The following MED13 variants were observed in gnomAD, a reference collection of about 807,000 sequenced individuals.
MED13 encodes the protein mediator of RNA polymerase II transcription subunit 13.
MED13 carries 23 observed loss-of-function variants against 225.2 expected under a neutral mutation model. That is an observed-to-expected ratio of 0.10 (90% CI 0.07 to 0.14). The LOEUF (loss-of-function observed/expected upper bound fraction) is 0.14. Ranked by LOEUF, MED13 falls within the 10% of genes least tolerant of loss-of-function variation. The probability of loss-of-function intolerance (pLI) is 1.00; values close to 1 mark genes in which losing one functional copy is unlikely to be tolerated. For missense variants in MED13, 2,197 were observed against 2,594.5 expected (o/e 0.85, Z 3.33); for synonymous variants, 942 against 889.2 (o/e 1.06, Z -1.06).
Position 61,953,057 on chromosome 17 carries a change from G to C in MED13, c.6025C>G (p.Pro2009Ala). The C allele has an allele frequency of 6.2e-7, 1 of 1,613,684 alleles. No homozygotes were observed. The highest frequency in any genetic ancestry group is 8.5e-7 in the Non-Finnish European group (1 of 1,179,680). The change falls in exon 27 of 30, where the codon CCT (proline) becomes GCT (alanine). Residue 2009 changes from proline (P) to alanine (A), a missense_variant. Physicochemically the swap from Pro to Ala is conservative, Grantham distance 27. Around this residue, in one of 12 missense-constraint regions of MED13, gnomAD observed 216 missense variants for 388.9 expected, o/e 0.56. Transcript: ENST00000397786. ...DLLDTGDDLD[P>A]DIINILPASP... ...GCAGGAAGGATATTAATGATATCAG[G>C]GTCAAGATCATCTCCTGTGTCTAAC...
chr17:62,010,430 ATACTCAATGAATTTATTCTTGT>A, intron 9 of MED13, 98 bp downstream of exon 9: 1 of 587,524 alleles, frequency 1.7e-6, no homozygotes. Flanking sequence ...TGCAAAGTTA[ATACTCAATGAATTTATTCTTGT>A]AAATCCTACC....
At chr17:61,991,874 G>A (rs1163931308) in intron 11 of MED13, among the ~76,000 whole-genome samples, 1 of 152,072 alleles carries the variant, frequency 6.6e-6, no homozygotes, top group African/African-American at 2.4e-5. Context: ...TTGAACTCCT[G>A]ACCTCAAGTG....
At chr17:62,007,976 G>A (rs956341085) in intron 9 of MED13, among the ~76,000 whole-genome samples, 3 of 137,680 alleles carry the variant, frequency 2.2e-5, no homozygotes, top group Non-Finnish European at 3.0e-5. Flanking sequence ...CCGAGATCAC[G>A]CCACTGCACT....
intron 16 of MED13, among the ~76,000 whole-genome samples, chr17:61,979,097 T>C (rs1435471622): frequency 6.6e-6 from 1 of 152,202 alleles, no homozygotes; most frequent in Non-Finnish European, 1.5e-5. Context: ...TACATTTAGT[T>C]GTGCTTGTTT....
At chr17:62,009,040 A>T (rs183815276) in intron 9 of MED13, among the ~76,000 whole-genome samples, 100 of 152,312 alleles carry the variant, frequency 6.6e-4, no homozygotes, top group Non-Finnish European at 1.3e-3. Flanking sequence ...AATTCACTAA[A>T]AAAAAGGTAA....
At chr17:62,027,835 T>A (rs1341856388) in intron 8 of MED13, among the ~76,000 whole-genome samples, 5 of 152,298 alleles carry the variant, frequency 3.3e-5, no homozygotes, top group Admixed American at 3.3e-4. Context: ...CACTGATCAT[T>A]AGAGAAATGC....
Position 62,010,699 on chromosome 17 carries a change from C to G in MED13, c.1818G>C (p.Leu606Phe), listed in dbSNP as rs1261333891. Residue 606 changes from leucine to phenylalanine, a missense_variant, in exon 9 of 30, where the codon TTG becomes TTC. By Grantham distance (22) the Leu-to-Phe change is conservative. Coordinates refer to ENST00000397786, the MANE Select transcript of MED13 (RefSeq NM_005121.3). ...AGGCTATATTGGCTTCATCTTCTTC[C>G]AAGTTTACTGCTGTACCAACATATA... ...PTVYVGTAVN[L>F]EEDEANIAWK... 3.3e-5 allele frequency: 51 copies of G among 1,560,050 alleles called. No homozygotes were observed. Among genetic ancestry groups the G allele is most frequent in the Non-Finnish European group, 4.4e-5 (51 of 1,151,784 alleles).
intron 8 of MED13, among the ~76,000 whole-genome samples, chr17:62,028,592 C>T (rs947912047): frequency 6.6e-6 from 1 of 151,698 alleles, no homozygotes; most frequent in African/African-American, 2.4e-5. Context: ...AAACCCAACA[C>T]TGTATTTACT....
chr17:61,950,352 A>G (rs919604414), intron 28 of MED13, among the ~76,000 whole-genome samples: 4 of 152,152 alleles, frequency 2.6e-5, no homozygotes, highest in African/African-American at 9.7e-5. Flanking sequence ...ACTTAGGAAT[A>G]AAGTTCTAAA....
At chr17:62,056,029 G>A (rs1305290144) in intron 2 of MED13, among the ~76,000 whole-genome samples, 1 of 152,114 alleles carries the variant, frequency 6.6e-6, no homozygotes, top group Admixed American at 6.6e-5. Context: ...ACGTATCTCT[G>A]AAGTATGTCC....
Position 61,968,236 on chromosome 17 carries a change from T to G in MED13, c.3990A>C (p.Pro1330=). Residue 1330 remains proline, a synonymous_variant, in exon 18 of 30, where the codon CCA becomes CCC. Transcript: ENST00000397786. ...GSYGTDESPE[P]LPIPTFLLGY... ...CCAACAAAAATGTGGGGATTGGCAGTGGTTCTGGGGATTCATCAGTTCCTA... is the reference window on the plus strand; with the variant it reads ...CCAACAAAAATGTGGGGATTGGCAGGGGTTCTGGGGATTCATCAGTTCCTA... The G allele has an allele frequency of 5.0e-6, 8 of 1,613,866 alleles. No homozygotes were observed. Among genetic ancestry groups the G allele is most frequent in the Non-Finnish European group, 6.8e-6 (8 of 1,179,802 alleles).
chr17:61,982,100 G>A (rs757937502), intron 16 of MED13, 98 bp downstream of exon 16: 3 of 1,166,454 alleles, frequency 2.6e-6, no homozygotes, highest in Admixed American at 2.5e-5. Context: ...AACTTTAAAT[G>A]TATTTGCCAC....
intron 2 of MED13, among the ~76,000 whole-genome samples, chr17:62,060,507 G>A (rs1349131514): frequency 6.6e-6 from 1 of 150,830 alleles, no homozygotes; most frequent in African/African-American, 2.4e-5. Context: ...GTAGTCCCAG[G>A]TACTCAGGAG....
intron 12 of MED13, 72 bp from the exon 13 acceptor site, chr17:61,985,162 TATAAC>T (rs2080237128): frequency 7.7e-7 from 1 of 1,293,292 alleles, no homozygotes; most frequent in Non-Finnish European, 1.1e-6. Flanking sequence ...ATCATTCAGA[TATAAC>T]TTAACAGTAA....
rs2143462003 is a variant in MED13, at chr17:61,983,025, G to T, written c.2978C>A (p.Pro993His). The T allele has an allele frequency of 6.2e-7, 1 of 1,613,968 alleles. No individual in the cohort carries two copies. The highest frequency in any genetic ancestry group is 8.5e-7 in the Non-Finnish European group (1 of 1,179,940). Residue 993 changes from proline to histidine, a missense_variant, in exon 16 of 30, where the codon CCT becomes CAT. Transcript: ENST00000397786. ...SFGMPPSSAPPSNSGAGILPS... is the reference protein window; with the variant it reads ...SFGMPPSSAPHSNSGAGILPS... Reference sequence around the variant, plus strand: ...AAGAATTCCTGCTCCGCTGTTACTAGGAGGTGCACTGCTAGGAGGCATCCC... The same window carrying T: ...AAGAATTCCTGCTCCGCTGTTACTATGAGGTGCACTGCTAGGAGGCATCCC...
intron 8 of MED13, among the ~76,000 whole-genome samples, chr17:62,019,252 C>T (rs1272771964): frequency 2.0e-5 from 3 of 152,152 alleles, no homozygotes; most frequent in African/African-American, 7.2e-5. Flanking sequence ...ACTTGCACAA[C>T]TGTAAAACAA....
At position 61,944,713 on chromosome 17, in the gene MED13, G is replaced by T. The variant is rs1219870720; in HGVS notation, c.*1755C>A. The T allele has an allele frequency of 6.6e-6, 1 of 152,476 alleles. No homozygotes were observed. Among genetic ancestry groups the T allele is most frequent in the Non-Finnish European group, 1.5e-5 (1 of 68,002 alleles). 9.4% of individuals were successfully genotyped at this position (152,476 alleles called of 1,614,324 possible). A position where few individuals can be genotyped will look rare whatever the true frequency, so the allele number is the denominator to read the frequency against. ...AAACTAAAACAAACACTGAAGTAGA[G>T]TTTTGTAAATACAACTGATTTTGTC... On this transcript the variant is annotated 3_prime_UTR_variant, in exon 30 of 30. Transcript: ENST00000397786.
At chr17:62,012,421 C>T (rs371590399) in intron 8 of MED13, among the ~76,000 whole-genome samples, 3 of 150,222 alleles carry the variant, frequency 2.0e-5, no homozygotes, top group East Asian at 2.0e-4. Flanking sequence ...CCTCCACCTC[C>T]GGGGTTCAAG....
intron 12 of MED13, 25 bp downstream of exon 12, chr17:61,986,982 T>C: frequency 1.4e-6 from 2 of 1,462,222 alleles, no homozygotes; most frequent in South Asian, 2.8e-5. Context: ...CAAATTATAA[T>C]CCTATTCATT....
Sources: gnomAD v4.1 joint callset for allele counts (sites outside exome capture counted in the v4.1 genomes callset) on GRCh38, gnomAD v4.1.1 for gene constraint, gnomAD v4.1.1 regional missense constraint, MANE v1.5 for transcripts, NCBI Gene and HGNC (gene_info 2026-07-23, HGNC 2026-07-21) for gene names.